The following QTMAN variants were observed in gnomAD, a reference collection of about 807,000 sequenced individuals.
QTMAN encodes tRNA-queuosine alpha-mannosyltransferase.
the QTMAN span, among the ~76,000 whole-genome samples, chr2:144,274,265 G>A: frequency 6.6e-6 from 1 of 152,220 alleles, no homozygotes; most frequent in Non-Finnish European, 1.5e-5. Context: ...CTCAGTTCCT[G>A]ACAGAGCTCC....
At chr2:144,044,400 G>C in the QTMAN span, among the ~76,000 whole-genome samples, 5 of 151,986 alleles carry the variant, frequency 3.3e-5, no homozygotes, top group Admixed American at 2.0e-4. Flanking sequence ...TTCATAAAAG[G>C]GAGGAAAGTG....
At chr2:144,321,761 C>T in the QTMAN span, among the ~76,000 whole-genome samples, 3 of 152,192 alleles carry the variant, frequency 2.0e-5, no homozygotes, top group East Asian at 3.9e-4. Context: ...CACTACCACA[C>T]CGGGCTAATT....
At chr2:144,173,054 T>C in the QTMAN span, among the ~76,000 whole-genome samples, 9 of 152,344 alleles carry the variant, frequency 5.9e-5, no homozygotes, top group African/African-American at 1.9e-4. Flanking sequence ...ATAGCTTTTT[T>C]CTTTCAGCGT....
At chr2:144,111,095 A>AT in the QTMAN span, among the ~76,000 whole-genome samples, 2 of 152,162 alleles carry the variant, frequency 1.3e-5, no homozygotes, top group African/African-American at 4.8e-5. Context: ...TACCAAATTG[A>AT]TTCTTGGCAT....
At chr2:144,107,266 C>T in the QTMAN span, among the ~76,000 whole-genome samples, 1 of 151,980 alleles carries the variant, frequency 6.6e-6, no homozygotes, top group Non-Finnish European at 1.5e-5. Flanking sequence ...CAGAGCAGAA[C>T]TGAAGGAAAT....
At chr2:144,096,568 C>A in the QTMAN span, among the ~76,000 whole-genome samples, 2 of 152,176 alleles carry the variant, frequency 1.3e-5, no homozygotes, top group African/African-American at 4.8e-5. Flanking sequence ...TGTGTACAGG[C>A]TAGTAGATTA....
At chr2:144,086,690 A>C in the QTMAN span, among the ~76,000 whole-genome samples, 2 of 152,192 alleles carry the variant, frequency 1.3e-5, no homozygotes, top group South Asian at 2.1e-4. Flanking sequence ...CAGCTGGATA[A>C]AATAGGATTT....
chr2:144,266,132 A>G, the QTMAN span, among the ~76,000 whole-genome samples: 4 of 152,250 alleles, frequency 2.6e-5, no homozygotes, highest in African/African-American at 4.8e-5. Context: ...CATTGTGAGA[A>G]GAGAACAAGG....
chr2:144,131,043 A>G, the QTMAN span, among the ~76,000 whole-genome samples: 1 of 152,110 alleles, frequency 6.6e-6, no homozygotes, highest in South Asian at 2.1e-4. Flanking sequence ...TCAGTAATAA[A>G]TGATAAGAAA....
chr2:144,184,588 T>C, the QTMAN span, among the ~76,000 whole-genome samples: 1 of 152,320 alleles, frequency 6.6e-6, no homozygotes, highest in South Asian at 2.1e-4. Context: ...ATAGGAAGTA[T>C]TTCTTTTCCT....
the QTMAN span, among the ~76,000 whole-genome samples, chr2:144,139,019 G>C: frequency 1.3e-5 from 2 of 152,056 alleles, no homozygotes; most frequent in Non-Finnish European, 2.9e-5. Context: ...AGGTGTAAAT[G>C]ATTTGAGAGG....
the QTMAN span, among the ~76,000 whole-genome samples, chr2:144,146,600 AC>A: frequency 6.6e-6 from 1 of 151,790 alleles, no homozygotes; most frequent in Non-Finnish European, 1.5e-5. Flanking sequence ...TGTAATAGAG[AC>A]ATACACAAAA....
chr2:143,991,817 G>A, the QTMAN span, among the ~76,000 whole-genome samples: 3 of 146,868 alleles, frequency 2.0e-5, no homozygotes, highest in South Asian at 2.2e-4. Flanking sequence ...CAGCCGCCTC[G>A]TCCGGGAGGT....
the QTMAN span, among the ~76,000 whole-genome samples, chr2:144,019,604 G>A: frequency 6.6e-6 from 1 of 152,064 alleles, no homozygotes; most frequent in East Asian, 1.9e-4. Context: ...GAAAACAGAA[G>A]AATTGATAGT....
the QTMAN span, among the ~76,000 whole-genome samples, chr2:144,301,678 A>C: frequency 6.6e-6 from 1 of 152,246 alleles, no homozygotes; most frequent in Non-Finnish European, 1.5e-5. Context: ...AAATACAGCC[A>C]TAAGAGGCTC....
At chr2:144,012,627 T>C in the QTMAN span, among the ~76,000 whole-genome samples, 3 of 152,266 alleles carry the variant, frequency 2.0e-5, no homozygotes, top group Non-Finnish European at 2.9e-5. Flanking sequence ...TCCTCACAAC[T>C]GTCTTTTTGA....
the QTMAN span, among the ~76,000 whole-genome samples, chr2:144,198,732 T>C: frequency 5.9e-5 from 9 of 152,190 alleles, no homozygotes; most frequent in Admixed American, 2.0e-4. Context: ...AGCTTTCCAA[T>C]GCTGCCCATC....
the QTMAN span, among the ~76,000 whole-genome samples, chr2:143,956,034 C>T: frequency 6.6e-6 from 1 of 152,174 alleles, no homozygotes; most frequent in Admixed American, 6.5e-5. Context: ...GTGTTTGCTT[C>T]AGTGGATAAG....
At chr2:144,195,622 T>C in the QTMAN span, among the ~76,000 whole-genome samples, 2 of 152,152 alleles carry the variant, frequency 1.3e-5, no homozygotes, top group Non-Finnish European at 2.9e-5. Context: ...TGTTTCTATG[T>C]CTTATGTGTA....
Sources: allele counts gnomAD v4.1 joint callset (sites outside exome capture counted in the v4.1 genomes callset), GRCh38; gene constraint gnomAD v4.1.1; transcripts MANE v1.5; gene names NCBI Gene and HGNC (gene_info 2026-07-23, HGNC 2026-07-21).